The following GLIS3 variants were observed in gnomAD, a reference collection of about 807,000 sequenced individuals.
GLIS3 encodes zinc finger protein GLIS3.
A neutral mutation model predicts 78.6 loss-of-function variants in GLIS3; 53 were observed. That is an observed-to-expected ratio of 0.67 (90% CI 0.54 to 0.85). The LOEUF (loss-of-function observed/expected upper bound fraction) is 0.85. GLIS3 is among the 40% of genes least tolerant of loss of function. GLIS3 has a pLI of 0.00. For missense variants in GLIS3, 1,703 were observed against 1,231.1 expected (o/e 1.38, Z -5.74); for synonymous variants, 684 against 509.9 (o/e 1.34, Z -4.60).
At chr9:4,139,414 C>A (rs1285199722) in intron 2 of GLIS3, among the ~76,000 whole-genome samples, 1 of 152,220 alleles carries the variant, frequency 6.6e-6, no homozygotes, top group Admixed American at 6.5e-5. Context: ...AGCAGTTCCT[C>A]TGAAATGTGT....
chr9:3,879,089 G>C (rs754693003), intron 8 of GLIS3, among the ~76,000 whole-genome samples: 2 of 152,024 alleles, frequency 1.3e-5, no homozygotes, highest in Non-Finnish European at 2.9e-5. Flanking sequence ...ATCTGACATC[G>C]GGAAGTGCTT....
chr9:4,074,645 T>C (rs1345156848), intron 4 of GLIS3, among the ~76,000 whole-genome samples: 2 of 152,226 alleles, frequency 1.3e-5, no homozygotes, highest in East Asian at 3.8e-4. Context: ...TCCATTGATT[T>C]GGAAACTCCA....
At chr9:4,358,517 G>T in the GLIS3 span, among the ~76,000 whole-genome samples, 1 of 152,104 alleles carries the variant, frequency 6.6e-6, no homozygotes, top group Admixed American at 6.5e-5. Context: ...GCATTTTTGT[G>T]TACCTACTAT....
At chr9:4,214,494 A>G (rs1421025046) in intron 2 of GLIS3, among the ~76,000 whole-genome samples, 1 of 152,198 alleles carries the variant, frequency 6.6e-6, no homozygotes, top group African/African-American at 2.4e-5. Flanking sequence ...TGCCAGGGCT[A>G]TGCTAAGTCC....
At chr9:4,080,392 A>G (rs1177841763) in intron 4 of GLIS3, among the ~76,000 whole-genome samples, 7 of 152,014 alleles carry the variant, frequency 4.6e-5, no homozygotes, top group Admixed American at 3.3e-4. Context: ...CAGGATAAAA[A>G]AACATTTTGA....
intron 2 of GLIS3, chr9:4,144,736 T>G (rs1245996856): frequency 6.6e-6 from 1 of 152,192 alleles, no homozygotes; most frequent in African/African-American, 2.4e-5. Flanking sequence ...CAATAAAACA[T>G]AAGCCACTGG....
In GLIS3 at chr9:4,048,033, G is replaced by A. The variant is rs80130831; in HGVS notation, c.1710+69735C>T. On this transcript the variant is annotated intron_variant, in intron 4 of 10. Transcript: ENST00000381971. ...CAAGACTCAGGGCTTAGGCAGTGGG[G>A]AAAGGGGCCTCACTGTGTTCTCCAA... Among the ~76,000 whole-genome samples the A allele has an allele frequency of 3.9e-5, 6 of 152,256 alleles. No individual in the cohort carries two copies. In the East Asian group the frequency reaches 1.2e-3, roughly 29 times the overall value.
upstream of GLIS3, among the ~76,000 whole-genome samples, chr9:4,304,135 T>C (rs780400338): frequency 2.0e-5 from 3 of 152,202 alleles, no homozygotes; most frequent in African/African-American, 7.2e-5. Context: ...TCAGAGATGA[T>C]AAATGACACA....
intron 4 of GLIS3, among the ~76,000 whole-genome samples, chr9:4,090,937 A>G (rs1245287299): frequency 6.6e-6 from 1 of 152,206 alleles, no homozygotes. Flanking sequence ...ACCCTGGCTC[A>G]GCCATTTTCT....
chr9:4,193,300 A>T (rs1390457930), intron 2 of GLIS3, among the ~76,000 whole-genome samples: 1 of 152,252 alleles, frequency 6.6e-6, no homozygotes, highest in Non-Finnish European at 1.5e-5. Context: ...TCTTGGTGCC[A>T]ATAAATAAAG....
At chr9:4,269,809 G>C (rs888912426) in intron 2 of GLIS3, among the ~76,000 whole-genome samples, 1 of 152,180 alleles carries the variant, frequency 6.6e-6, no homozygotes, top group Non-Finnish European at 1.5e-5. Context: ...GTGAAGCACA[G>C]GTTTAGACGG....
At chr9:4,177,429 A>C (rs1033518417) in intron 2 of GLIS3, among the ~76,000 whole-genome samples, 1 of 152,218 alleles carries the variant, frequency 6.6e-6, no homozygotes, top group Non-Finnish European at 1.5e-5. Flanking sequence ...TTTGGTTGAC[A>C]TACATGGTCA....
At chr9:3,856,864 G>T (rs893291856) in intron 8 of GLIS3, among the ~76,000 whole-genome samples, 2 of 152,124 alleles carry the variant, frequency 1.3e-5, no homozygotes, top group Admixed American at 1.3e-4. Context: ...TAAGACTATT[G>T]GTGGTTTCTG....
chr9:4,367,492 C>T, the GLIS3 span, among the ~76,000 whole-genome samples: 1 of 151,926 alleles, frequency 6.6e-6, no homozygotes, highest in African/African-American at 2.4e-5. Flanking sequence ...ACTCATAACA[C>T]TCCATCTTAA....
chr9:4,183,215 G>C lies in GLIS3; in HGVS notation c.389-57274C>G, dbSNP rs149427972. Among the ~76,000 whole-genome samples, 84 of 152,254 alleles carry C rather than the reference G, an allele frequency of 5.5e-4. No homozygotes were observed. The East Asian group carries it at 0.01, about 18-fold the overall frequency. ...CTGAAGCCAGGTGGTAGATATCATA[G>C]GAACAAAAATTTAAATTCAACATAG... On this transcript the variant is annotated intron_variant, in intron 2 of 10. Coordinates refer to ENST00000381971, the MANE Select transcript of GLIS3 (RefSeq NM_001042413.2).
the GLIS3 span, among the ~76,000 whole-genome samples, chr9:4,420,897 TC>T: frequency 6.6e-6 from 1 of 152,174 alleles, no homozygotes; most frequent in East Asian, 1.9e-4. Context: ...TATTTATATC[TC>T]CCCCATTAAG....
chr9:4,302,623 A>C (rs1378632597), upstream of GLIS3, among the ~76,000 whole-genome samples: 4 of 152,380 alleles, frequency 2.6e-5, no homozygotes, highest in Admixed American at 2.6e-4. Flanking sequence ...ACTTAGAAGC[A>C]AAGAAGTTGA....
At chr9:4,430,159 G>T in the GLIS3 span, among the ~76,000 whole-genome samples, 1 of 152,132 alleles carries the variant, frequency 6.6e-6, no homozygotes, top group South Asian at 2.1e-4. Context: ...CAGCAGGCCC[G>T]GGCTAAGATA....
At chr9:4,210,043 G>C (rs1243092378) in intron 2 of GLIS3, among the ~76,000 whole-genome samples, 2 of 152,172 alleles carry the variant, frequency 1.3e-5, no homozygotes, top group African/African-American at 2.4e-5. Flanking sequence ...ATTTTGTTCA[G>C]CTTGGTGTCC....
Sources: gnomAD v4.1 joint callset for allele counts (sites outside exome capture counted in the v4.1 genomes callset) on GRCh38, gnomAD v4.1.1 for gene constraint, MANE v1.5 for transcripts, NCBI Gene and HGNC (gene_info 2026-07-23, HGNC 2026-07-21) for gene names.